Variants in INPP5F observed in about 807,000 individuals in gnomAD.
INPP5F encodes the protein inositol polyphosphate-5-phosphatase F.
In INPP5F, 97 loss-of-function variants were observed where a neutral mutation model predicts 137.2. The ratio of observed to expected loss-of-function variants is 0.71; its 90% CI spans 0.60 to 0.84. The LOEUF (loss-of-function observed/expected upper bound fraction) is 0.84. Among genes scored for constraint, INPP5F ranks in the 40% least tolerant of loss-of-function variants. INPP5F has a pLI of 0.00. For synonymous variants in INPP5F, 504 were observed against 476.9 expected (o/e 1.06, Z -0.74); for missense variants, 1,271 against 1,371.9 (o/e 0.93, Z 1.16).
At chr10:119,786,175 C>G (rs1402887911) in intron 3 of INPP5F, among the ~76,000 whole-genome samples, 1 of 152,184 alleles carries the variant, frequency 6.6e-6, no homozygotes, top group Non-Finnish European at 1.5e-5. Context: ...GTCTCGGTCA[C>G]AAGATGTAAG....
chr10:119,788,385 A>G (rs748662895), intron 3 of INPP5F, among the ~76,000 whole-genome samples: 18 of 152,208 alleles, frequency 1.2e-4, no homozygotes, highest in Non-Finnish European at 2.2e-4. Context: ...AACACTGGGA[A>G]TACCATCAGT....
At position 119,812,289 on chromosome 10, in the gene INPP5F, G is replaced by C. The variant is rs980018658; in HGVS notation, c.1886+334G>C. ...TTATTGTATTAATGCACATAAGTGA[G>C]TGCAACAAGAGGTGTAGTGAGGCTG... On this transcript the variant is annotated intron_variant, in intron 15 of 19. Coordinates refer to ENST00000650623, the MANE Select transcript of INPP5F (RefSeq NM_014937.4). Among the ~76,000 whole-genome samples the C allele has an allele frequency of 3.3e-5, 5 of 152,156 alleles. No individual in the cohort carries two copies. The East Asian group carries it at 9.6e-4, about 29-fold the overall frequency.
In INPP5F at chr10:119,817,048, G is replaced by C. The variant is rs367860393; in HGVS notation, c.1887-3798G>C. Among the ~76,000 whole-genome samples, 36 of 152,222 alleles carry C rather than the reference G, an allele frequency of 2.4e-4. No homozygotes were observed. In the East Asian group the frequency reaches 2.7e-3, roughly 11 times the overall value. On this transcript the variant is annotated intron_variant, in intron 15 of 19. Coordinates refer to ENST00000650623, the MANE Select transcript of INPP5F (RefSeq NM_014937.4). ...GCAACCACTAATCTACTTCGTCTCT[G>C]CATTTGCGTATTCTAGACATTTCAT...
intron 1 of INPP5F, among the ~76,000 whole-genome samples, chr10:119,734,486 C>G (rs1186738676): frequency 6.6e-6 from 1 of 152,040 alleles, no homozygotes; most frequent in Non-Finnish European, 1.5e-5. Context: ...TTTTTCATTC[C>G]CAAACCATGA....
At chr10:119,800,259 A>G (rs1270125434) in intron 9 of INPP5F, among the ~76,000 whole-genome samples, 1 of 152,106 alleles carries the variant, frequency 6.6e-6, no homozygotes, top group Non-Finnish European at 1.5e-5. Context: ...TATCTAGAGT[A>G]TATTTAAAAA....
chr10:119,777,368 C>G (rs1293038543), intron 2 of INPP5F, among the ~76,000 whole-genome samples: 1 of 151,854 alleles, frequency 6.6e-6, no homozygotes, highest in Non-Finnish European at 1.5e-5. Flanking sequence ...ACAAAAAAAC[C>G]CACAAAAATT....
chr10:119,826,750 A>G lies in INPP5F; in HGVS notation c.2369A>G (p.Gln790Arg). 6.2e-7 allele frequency: 1 copy of G among 1,613,844 alleles called. No homozygotes were observed. Among genetic ancestry groups the G allele is most frequent in the Non-Finnish European group, 8.5e-7 (1 of 1,179,906 alleles). The change falls in exon 20 of 20, where the codon CAG (glutamine) becomes CGG (arginine). Residue 790 changes from glutamine to arginine, a missense_variant. Physicochemically the swap from Gln to Arg is conservative, Grantham distance 43. This residue lies in a region of INPP5F where 490 missense variants were observed against 443.7 expected (regional missense o/e 1.10). Transcript: ENST00000650623. ...TCATCTCTAAATCAAAAAGTGAAGCAGACCAAATCCAATGTAAATATTGGC... is the reference window on the plus strand; with the variant it reads ...TCATCTCTAAATCAAAAAGTGAAGCGGACCAAATCCAATGTAAATATTGGC... ...KFSSLNQKVK[Q>R]TKSNVNIGNL...
At chr10:119,818,586 C>T (rs1421860117) in intron 15 of INPP5F, 1 of 152,554 alleles carries the variant, frequency 6.6e-6, no homozygotes, top group Admixed American at 6.5e-5. Context: ...TCTGTGCCCT[C>T]GTTGGTAGGC....
chr10:119,811,610 A>G lies in INPP5F; in HGVS notation c.1688-147A>G, dbSNP rs938093326. 12 of 627,818 alleles carry G rather than the reference A, an allele frequency of 1.9e-5. No homozygotes were observed. In the African/African-American group the frequency reaches 2.0e-4, roughly 11 times the overall value. 38.9% of individuals were successfully genotyped at this position (627,818 alleles called of 1,614,324 possible). ...CTTATGATTTTAGTGTCATATCTTA[A>G]AAATCATGCCTAATCCAAGGTTACA... On this transcript the variant is annotated intron_variant, in intron 14 of 19. Transcript: ENST00000650623.
Position 119,748,684 on chromosome 10 carries a change from G to A in INPP5F, c.98-2392G>A, listed in dbSNP as rs920125059. Among the ~76,000 whole-genome samples, 3 of 152,122 alleles carry A rather than the reference G, an allele frequency of 2.0e-5. No individual in the cohort carries two copies. The highest frequency in any genetic ancestry group is 4.8e-5 in the African/African-American group (2 of 41,418). On this transcript the variant is annotated intron_variant, in intron 1 of 19. Coordinates refer to ENST00000650623, the MANE Select transcript of INPP5F (RefSeq NM_014937.4). This position sits in a 1 kb window ranked among gnomAD's most constrained non-coding sequence, Gnocchi z 4.7. ...GACATCTGTGAGTCTGGCTGAGTCCGGGATTTTTAATGGGCTCAGAATGGA... is the reference window on the plus strand; with the variant it reads ...GACATCTGTGAGTCTGGCTGAGTCCAGGATTTTTAATGGGCTCAGAATGGA...
At chr10:119,734,061 A>G (rs963130792) in intron 1 of INPP5F, among the ~76,000 whole-genome samples, 9 of 152,216 alleles carry the variant, frequency 5.9e-5, no homozygotes, top group African/African-American at 1.9e-4. Flanking sequence ...TAAAAAAGTC[A>G]TGCAAATTTC....
In INPP5F at chr10:119,792,138, G is replaced by T. The variant is rs1373545674; in HGVS notation, c.613-19G>T. 1.9e-6 allele frequency: 3 copies of T among 1,613,928 alleles called. No homozygotes were observed. The highest frequency in any genetic ancestry group is 4.5e-5 in the East Asian group (2 of 44,890). On this transcript the variant is annotated intron_variant, in intron 5 of 19. Coordinates refer to ENST00000650623, the MANE Select transcript of INPP5F (RefSeq NM_014937.4). ...TGAAATAATGTGTTTCTGAACTATT[G>T]TTCCTGCACCTTTTCTAGGTTGATG...
intron 1 of INPP5F, among the ~76,000 whole-genome samples, chr10:119,732,508 T>C (rs926731608): frequency 1.4e-4 from 20 of 147,588 alleles, no homozygotes; most frequent in Admixed American, 4.7e-4. Flanking sequence ...TTCTTTTTTT[T>C]TTTTTTTTTG....
At chr10:119,774,703 T>C (rs187844310) in intron 2 of INPP5F, among the ~76,000 whole-genome samples, 4 of 152,178 alleles carry the variant, frequency 2.6e-5, no homozygotes, top group African/African-American at 9.7e-5. Flanking sequence ...CTATTACATA[T>C]GCAAGTGGCC....
In INPP5F at chr10:119,819,479, T is replaced by C. The variant is rs780083020; in HGVS notation, c.1887-1367T>C. ...AATTAGTAGTAGAATTTATTTCATA[T>C]TAAAATGTGTCATGACGTAATTTTT... is the stretch of plus-strand genomic sequence containing the variant. On this transcript the variant is annotated intron_variant, in intron 15 of 19. Coordinates refer to ENST00000650623, the MANE Select transcript of INPP5F (RefSeq NM_014937.4). The C allele has an allele frequency of 6.9e-6, 11 of 1,600,448 alleles. No homozygotes were observed. The African/African-American group carries it at 1.3e-4, about 19-fold the overall frequency.
At chr10:119,727,848 C>T (rs561455549) in intron 1 of INPP5F, among the ~76,000 whole-genome samples, 2 of 152,190 alleles carry the variant, frequency 1.3e-5, no homozygotes, top group Non-Finnish European at 2.9e-5. Context: ...TCCTTTCACT[C>T]CCCCAAATTT....
chr10:119,767,686 A>T (rs1849217328), intron 2 of INPP5F, among the ~76,000 whole-genome samples: 1 of 152,256 alleles, frequency 6.6e-6, no homozygotes, highest in Non-Finnish European at 1.5e-5. Context: ...CAAATGCCTT[A>T]GAGATATGAA....
chr10:119,799,297 ATT>A, intron 9 of INPP5F: 1 of 438,546 alleles, frequency 2.3e-6, no homozygotes. Context: ...AGGTAAATGC[ATT>A]TTTTTTTCAG....
At chr10:119,735,361 A>G (rs955397566) in intron 1 of INPP5F, among the ~76,000 whole-genome samples, 1 of 152,004 alleles carries the variant, frequency 6.6e-6, no homozygotes, top group African/African-American at 2.4e-5. Context: ...TACTAAGCCA[A>G]TTTTCTTTAT....
Sources: gnomAD v4.1 joint callset for allele counts (sites outside exome capture counted in the v4.1 genomes callset) on GRCh38, gnomAD v4.1.1 for gene constraint, gnomAD v4.1.1 regional missense constraint, Gnocchi (gnomAD v3.1) non-coding constraint, MANE v1.5 for transcripts, NCBI Gene and HGNC (gene_info 2026-07-23, HGNC 2026-07-21) for gene names.